CA10: variants seen among roughly 807,000 people sequenced by gnomAD.
CA10 encodes carbonic anhydrase-related protein 10.
A neutral mutation model predicts 44.2 loss-of-function variants in CA10; 14 were observed. The ratio of observed to expected loss-of-function variants is 0.32; its 90% CI spans 0.21 to 0.50. The LOEUF (loss-of-function observed/expected upper bound fraction) is 0.50. CA10 is among the 20% of genes least tolerant of loss of function. CA10 has a pLI of 0.99. For synonymous variants in CA10, 159 were observed against 141.6 expected (o/e 1.12, Z -0.87); for missense variants, 350 against 409.7 (o/e 0.85, Z 1.26).
At chr17:51,877,720 A>T (rs1980141183) in intron 3 of CA10, among the ~76,000 whole-genome samples, 1 of 152,296 alleles carries the variant, frequency 6.6e-6, no homozygotes, top group South Asian at 2.1e-4. Context: ...TAGTATTACT[A>T]AGTCATTTTA....
At chr17:52,105,125 G>T (rs1043419322) in intron 1 of CA10, among the ~76,000 whole-genome samples, 3 of 152,098 alleles carry the variant, frequency 2.0e-5, no homozygotes, top group African/African-American at 7.2e-5. Context: ...TCCAATCACT[G>T]GCCCGGGCTC....
At chr17:52,068,265 C>T (rs571463216) in intron 2 of CA10, among the ~76,000 whole-genome samples, 10 of 152,302 alleles carry the variant, frequency 6.6e-5, no homozygotes, top group South Asian at 2.1e-4. Context: ...GGGCTCTTCC[C>T]CCTTCACTCA....
intron 2 of CA10, among the ~76,000 whole-genome samples, chr17:51,946,616 A>G (rs1983282984): frequency 6.6e-6 from 1 of 152,092 alleles, no homozygotes; most frequent in African/African-American, 2.4e-5. Context: ...CTCACCTGGC[A>G]TGCCTACTCA....
At chr17:51,833,952 A>G (rs1908380728) in intron 3 of CA10, among the ~76,000 whole-genome samples, 1 of 152,242 alleles carries the variant, frequency 6.6e-6, no homozygotes, top group Non-Finnish European at 1.5e-5. Context: ...CACTGGAGGC[A>G]CTGTAATGAG....
intron 1 of CA10, among the ~76,000 whole-genome samples, chr17:52,129,868 G>A (rs923543459): frequency 9.2e-5 from 14 of 152,114 alleles, no homozygotes; most frequent in Non-Finnish European, 1.8e-4. Context: ...ACAGAATAAA[G>A]ACAACACCAG....
At chr17:51,896,806 G>A (rs924435619) in intron 3 of CA10, among the ~76,000 whole-genome samples, 1 of 151,672 alleles carries the variant, frequency 6.6e-6, no homozygotes, top group African/African-American at 2.4e-5. Flanking sequence ...ATCTCATTGT[G>A]GTTTTGATTT....
At chr17:51,993,423 G>A (rs1035639554) in intron 2 of CA10, among the ~76,000 whole-genome samples, 2 of 152,156 alleles carry the variant, frequency 1.3e-5, no homozygotes, top group South Asian at 2.1e-4. Flanking sequence ...AACTGATGCA[G>A]CATCTCAGTT....
intron 4 of CA10, among the ~76,000 whole-genome samples, chr17:51,743,681 G>A (rs897912854): frequency 6.6e-6 from 1 of 152,176 alleles, no homozygotes; most frequent in Non-Finnish European, 1.5e-5. Flanking sequence ...AAAATGCCTG[G>A]CATTAATTGA....
chr17:52,118,025 A>T (rs1296555858), intron 1 of CA10, among the ~76,000 whole-genome samples: 1 of 152,222 alleles, frequency 6.6e-6, no homozygotes, highest in Non-Finnish European at 1.5e-5. Context: ...AAGCACAACA[A>T]GGTTTTCTTA....
intron 1 of CA10, among the ~76,000 whole-genome samples, chr17:52,080,313 T>G (rs902322824): frequency 3.3e-5 from 5 of 151,738 alleles, no homozygotes; most frequent in East Asian, 3.9e-4. Context: ...TTAGCTGGGC[T>G]TGGTGGCCGG....
intron 2 of CA10, among the ~76,000 whole-genome samples, chr17:52,005,041 C>A (rs1270095532): frequency 6.6e-6 from 1 of 151,770 alleles, no homozygotes; most frequent in Admixed American, 6.6e-5. Context: ...TGCTTTTGAA[C>A]TTCAATCGTA....
rs113021020 is a variant in CA10, at chr17:51,636,087, TAC to T, written c.635-80_635-79del. 7.1e-3 allele frequency: 4,731 copies of T among 664,330 alleles called. 66 individuals carry two copies. Among genetic ancestry groups the T allele is most frequent in the South Asian group, 0.043 (1,548 of 35,590 alleles). 41.2% of individuals were successfully genotyped at this position (664,330 alleles called of 1,614,324 possible). ...TTGCTGACATACATACATACATACA[TAC>T]ATATACATATACATATACATACATA... On this transcript the variant is annotated intron_variant, in intron 6 of 8. Transcript: ENST00000451037.
At chr17:52,118,027 G>A (rs1825997123) in intron 1 of CA10, among the ~76,000 whole-genome samples, 1 of 152,122 alleles carries the variant, frequency 6.6e-6, no homozygotes, top group Non-Finnish European at 1.5e-5. Context: ...GCACAACAAG[G>A]TTTTCTTAAG....
chr17:51,697,762 C>T (rs1185355454), intron 4 of CA10, among the ~76,000 whole-genome samples: 1 of 152,220 alleles, frequency 6.6e-6, no homozygotes, highest in Admixed American at 6.5e-5. Context: ...CAAATGAATG[C>T]ATGAATGAAA....
At chr17:51,751,295 G>T (rs138652531) in intron 3 of CA10, among the ~76,000 whole-genome samples, 2 of 152,150 alleles carry the variant, frequency 1.3e-5, no homozygotes, top group Admixed American at 1.3e-4. Context: ...AGTATTTAAT[G>T]AGTATAAAGT....
At chr17:51,796,639 T>A (rs1906721449) in intron 3 of CA10, among the ~76,000 whole-genome samples, 1 of 152,216 alleles carries the variant, frequency 6.6e-6, no homozygotes, top group Non-Finnish European at 1.5e-5. Flanking sequence ...CACAAAATTG[T>A]ATTGCTCTGG....
intron 1 of CA10, among the ~76,000 whole-genome samples, chr17:52,083,752 T>C (rs1046935376): frequency 1.8e-4 from 28 of 152,328 alleles, no homozygotes; most frequent in Non-Finnish European, 3.2e-4. Context: ...TTCATTCTTT[T>C]TTATGGCTGA....
chr17:51,703,113 A>G (rs1915653304), intron 4 of CA10, among the ~76,000 whole-genome samples: 1 of 152,030 alleles, frequency 6.6e-6, no homozygotes, highest in Non-Finnish European at 1.5e-5. Flanking sequence ...TATTGTGGAG[A>G]AAGTGGCTGA....
intron 2 of CA10, among the ~76,000 whole-genome samples, chr17:52,009,202 G>A (rs151161095): frequency 7.3e-5 from 11 of 151,560 alleles, no homozygotes; most frequent in Admixed American, 2.0e-4. Flanking sequence ...TTTTTTTAAC[G>A]TGTCTCTTTT....
Sources: gnomAD v4.1 joint callset for allele counts (sites outside exome capture counted in the v4.1 genomes callset) on GRCh38, gnomAD v4.1.1 for gene constraint, MANE v1.5 for transcripts, NCBI Gene and HGNC (gene_info 2026-07-23, HGNC 2026-07-21) for gene names.